ZNF280B: variants seen among roughly 807,000 people sequenced by gnomAD.
ZNF280B encodes the protein suppressor of hairy wing homolog 2.
In ZNF280B, 16 loss-of-function variants were observed where a neutral mutation model predicts 38.0. That is an observed-to-expected ratio of 0.42 (90% CI 0.28 to 0.64). ZNF280B has a LOEUF of 0.64. ZNF280B is among the 30% of genes least tolerant of loss of function. The pLI is 0.21. For synonymous variants in ZNF280B, 253 were observed against 230.6 expected (o/e 1.10, Z -0.88); for missense variants, 581 against 639.6 (o/e 0.91, Z 0.99).
intron 2 of ZNF280B, among the ~76,000 whole-genome samples, chr22:22,497,221 A>T (rs2061717931): frequency 1.1e-5 from 1 of 88,594 alleles, no homozygotes; most frequent in African/African-American, 5.9e-5. Context: ...AAAAAAAAAA[A>T]AAAAAAAAAA....
rs1353591894 is a variant in ZNF280B at position 22,501,031 on chromosome 22, A to ACAC, written c.-187+6778_-187+6779insGTG. On this transcript the variant is annotated intron_variant, in intron 2 of 3. Coordinates refer to ENST00000626650, the MANE Select transcript of ZNF280B (RefSeq NM_080764.4). ...CAAGACTCCGTCTCAAAAAAAAAAA[A>ACAC]AAAAAAAAAACAAAAAACCAAAAAA... Among the ~76,000 whole-genome samples the ACAC allele has an allele frequency of 2.7e-5, 4 of 150,548 alleles. No homozygotes were observed. In the South Asian group the frequency reaches 8.5e-4, roughly 32 times the overall value.
At chr22:22,497,034 TCTCAAA>T (rs2061710816) in intron 2 of ZNF280B, among the ~76,000 whole-genome samples, 1 of 149,988 alleles carries the variant, frequency 6.7e-6, no homozygotes, top group South Asian at 2.1e-4. Context: ...GTCATGCTGC[TCTCAAA>T]CTCCTAACCT....
At chr22:22,489,596 G>C in intron 3 of ZNF280B, 130 bp from the exon 4 acceptor site, 1 of 520,848 alleles carries the variant, frequency 1.9e-6, no homozygotes, top group Non-Finnish European at 3.3e-6. Flanking sequence ...ATAAATAACA[G>C]CTTAAAACCT....
intron 2 of ZNF280B, among the ~76,000 whole-genome samples, chr22:22,506,673 T>C (rs569374845): frequency 6.6e-6 from 1 of 151,884 alleles, no homozygotes; most frequent in South Asian, 2.1e-4. Flanking sequence ...GTTTGCTATA[T>C]TAATGATCTG....
At chr22:22,492,755 A>G (rs13053581) in intron 3 of ZNF280B, among the ~76,000 whole-genome samples, 110,497 of 150,938 alleles carry the variant, frequency 0.73, 40,656 homozygotes, top group Middle Eastern at 0.81. Flanking sequence ...GCCTGGTGGT[A>G]GACACCTGTA....
At chr22:22,501,019 CAAAAAAAA>C (rs56907724) in intron 2 of ZNF280B, among the ~76,000 whole-genome samples, 3 of 60,266 alleles carry the variant, frequency 5.0e-5, no homozygotes, top group Non-Finnish European at 6.7e-5. Context: ...GACTCCGTCT[CAAAAAAAA>C]AAAAAAAAAA....
At chr22:22,496,241 T>A (rs967973981) in intron 2 of ZNF280B, among the ~76,000 whole-genome samples, 5 of 149,898 alleles carry the variant, frequency 3.3e-5, no homozygotes, top group African/African-American at 1.2e-4. Context: ...GGACTATAGG[T>A]GTGCGCCACC....
intron 2 of ZNF280B, among the ~76,000 whole-genome samples, chr22:22,495,069 A>C (rs2061668044): frequency 6.6e-6 from 1 of 151,868 alleles, no homozygotes; most frequent in Non-Finnish European, 1.5e-5. Flanking sequence ...TTTTAACCAC[A>C]CACATACTCT....
At chr22:22,494,279 A>C (rs963809263) in intron 2 of ZNF280B, 99 bp from the exon 3 acceptor site, 3 of 151,972 alleles carry the variant, frequency 2.0e-5, no homozygotes, top group African/African-American at 7.2e-5. Flanking sequence ...TGGACTTCCT[A>C]ACCAGTTGCT....
intron 2 of ZNF280B, among the ~76,000 whole-genome samples, chr22:22,502,335 C>G (rs1402207664): frequency 6.6e-6 from 1 of 151,956 alleles, no homozygotes; most frequent in Non-Finnish European, 1.5e-5. Flanking sequence ...TCTGAACCCT[C>G]AAATACTGCT....
At position 22,488,787 on chromosome 22, in the gene ZNF280B, A is replaced by C. The variant is rs1206940942; in HGVS notation, c.612T>G (p.Pro204=). The change falls in exon 4 of 4, where the codon CCT becomes CCG. Residue 204 remains proline, a synonymous_variant. Transcript: ENST00000626650. The stretch of plus-strand genomic sequence containing the variant: ...TATTCATTGTATGAAAGGTATCTGA[A>C]GGGAATGAAGCTGAAGAATTTCCTT... ...IIEGNSSASF[P]SDTFHTMNTQ... is the part of the protein sequence containing the mutation. 6.2e-7 allele frequency: 1 copy of C among 1,613,830 alleles called. No homozygotes were observed. The highest frequency in any genetic ancestry group is 1.1e-5 in the South Asian group (1 of 91,064).
intron 2 of ZNF280B, among the ~76,000 whole-genome samples, chr22:22,498,392 G>A (rs2061743644): frequency 6.6e-6 from 1 of 151,842 alleles, no homozygotes; most frequent in Non-Finnish European, 1.5e-5. Flanking sequence ...AAAATAAAGA[G>A]GGTATATTAC....
rs1331780507 is a variant in ZNF280B, at chr22:22,489,387, T to C, written c.12A>G (p.Ser4=). The stretch of plus-strand genomic sequence containing the variant: ...GTTCAGGCTCTTTCTCTTCCTCACA[T>C]GATTGTTCCATTTTCTAATTTTTTT... MEQ[S]CEEEKEPEPQ... is the part of the protein sequence containing the mutation. The change falls in exon 4 of 4, where the codon TCA becomes TCG. Residue 4 remains serine (S), a synonymous_variant. Transcript: ENST00000626650. 2 of 1,587,190 alleles carry C rather than the reference T, an allele frequency of 1.3e-6. No individual in the cohort carries two copies. The highest frequency in any genetic ancestry group is 1.4e-5 in the African/African-American group (1 of 73,156).
chr22:22,486,275 T>C lies in ZNF280B; in HGVS notation c.*1492A>G, dbSNP rs918070012. ...TGCACAGAAAAATATAAAGCCATTA[T>C]GGGTTTAAATTCAGTCAGTCACCCT... On this transcript the variant is annotated 3_prime_UTR_variant, in exon 4 of 4. Coordinates refer to ENST00000626650, the MANE Select transcript of ZNF280B (RefSeq NM_080764.4). The C allele has an allele frequency of 6.6e-6, 1 of 152,292 alleles. No homozygotes were observed. The highest frequency in any genetic ancestry group is 2.4e-5 in the African/African-American group (1 of 41,432). 9.4% of individuals were successfully genotyped at this position (152,292 alleles called of 1,614,324 possible).
intron 2 of ZNF280B, among the ~76,000 whole-genome samples, chr22:22,505,291 T>G (rs1352729118): frequency 6.6e-6 from 1 of 151,888 alleles, no homozygotes; most frequent in Non-Finnish European, 1.5e-5. Context: ...TTTGGCCAGG[T>G]GTGGTGGCTC....
chr22:22,489,264 G>T lies in ZNF280B; in HGVS notation c.135C>A (p.Ile45=). 1 of 1,613,846 alleles carries T rather than the reference G, an allele frequency of 6.2e-7. No homozygotes were observed. The highest frequency in any genetic ancestry group is 8.5e-7 in the Non-Finnish European group (1 of 1,179,956). Residue 45 remains isoleucine, a synonymous_variant, in exon 4 of 4, where the codon ATC becomes ATA. Transcript: ENST00000626650. ...TTGAATTTGAAGTCACCCCAACAAA[G>T]ATTAGCTCAGCATCTTCATTTACAT... ...VEHVNEDAEL[I]FVGVTSNSKP...
rs975978641 is a variant in ZNF280B, at chr22:22,486,966, T to C, written c.*801A>G. 9 of 152,020 alleles carry C rather than the reference T, an allele frequency of 5.9e-5. No homozygotes were observed. Among genetic ancestry groups the C allele is most frequent in the Non-Finnish European group, 1.5e-5 (1 of 68,020 alleles). The allele number at this position is 152,020 out of a possible 1,614,324, so 9.4% of individuals were successfully genotyped here. A position where few individuals can be genotyped will look rare whatever the true frequency, so the allele number is the denominator to read the frequency against. ...TTTTATGCCAGCACAGCAGAGGCAC[T>C]TCTGGGAATTCGGCAGCAAGTGGGC... On this transcript the variant is annotated 3_prime_UTR_variant, in exon 4 of 4. Transcript: ENST00000626650.
intron 2 of ZNF280B, among the ~76,000 whole-genome samples, chr22:22,504,016 T>C (rs2061880706): frequency 6.6e-6 from 1 of 152,030 alleles, no homozygotes; most frequent in Non-Finnish European, 1.5e-5. Context: ...ACTCTCAGAA[T>C]TGTATTATTC....
At chr22:22,495,329 C>T (rs9620085) in intron 2 of ZNF280B, among the ~76,000 whole-genome samples, 1 of 151,916 alleles carries the variant, frequency 6.6e-6, no homozygotes, top group Non-Finnish European at 1.5e-5. Flanking sequence ...ATATTGAGTG[C>T]TTATTGTGTG....
Sources: gnomAD v4.1 joint callset for allele counts (sites outside exome capture counted in the v4.1 genomes callset) on GRCh38, gnomAD v4.1.1 for gene constraint, MANE v1.5 for transcripts, NCBI Gene and HGNC (gene_info 2026-07-23, HGNC 2026-07-21) for gene names.